WEE1: variants seen among roughly 807,000 people sequenced by gnomAD.
The protein encoded by WEE1 is WEE1 G2 checkpoint kinase.
A neutral mutation model predicts 68.8 loss-of-function variants in WEE1; 16 were observed. That is an observed-to-expected ratio of 0.23 (90% confidence interval 0.16 to 0.35). The LOEUF (loss-of-function observed/expected upper bound fraction) is 0.35, where lower values mean the gene tolerates loss of function less well. WEE1 is among the 10% of genes least tolerant of loss of function. The pLI, the probability that WEE1 is intolerant of heterozygous loss-of-function variation, is 1.00. For synonymous variants in WEE1, 349 were observed against 318.7 expected (o/e 1.09, Z -1.01); for missense variants, 651 against 824.1 (o/e 0.79, Z 2.57).
chr11:9,576,714 A>T lies in WEE1; in HGVS notation c.1019+55A>T. 2 of 1,546,334 alleles carry T rather than the reference A, an allele frequency of 1.3e-6. No homozygotes were observed. Among genetic ancestry groups the T allele is most frequent in the Admixed American group, 4.2e-5 (2 of 47,828 alleles). Reference sequence around the variant, plus strand: ...TTTTGTCCCCTATGGTGTTACTAACATTAAGGTTTCAGCTGGTCAAACACT... The same window carrying T: ...TTTTGTCCCCTATGGTGTTACTAACTTTAAGGTTTCAGCTGGTCAAACACT... On this transcript the variant is annotated intron_variant, in intron 4 of 10. Transcript: ENST00000450114. The surrounding 1 kb of genome is among the most constrained non-coding windows in gnomAD (Gnocchi z 4.3).
intron 5 of WEE1, chr11:9,577,627 T>A (rs145803615): frequency 6.9e-4 from 224 of 322,888 alleles, no homozygotes; most frequent in Non-Finnish European, 9.9e-4. Flanking sequence ...GGTCTTTGAT[T>A]TCCATTTCAT....
intron 5 of WEE1, chr11:9,577,979 T>C (rs1305341793): frequency 2.2e-6 from 1 of 446,778 alleles, no homozygotes. Flanking sequence ...CTGGTTCTTA[T>C]GGACGTCTGT....
rs1330586489 is a variant in WEE1 at position 9,585,649 on chromosome 11, C to A, written c.1470+122C>A. The A allele has an allele frequency of 4.8e-6, 4 of 839,556 alleles. No individual in the cohort carries two copies. The African/African-American group carries it at 7.1e-5, about 15-fold the overall frequency. 52.0% of individuals were successfully genotyped at this position (839,556 alleles called of 1,614,324 possible). A position where few individuals can be genotyped will look rare whatever the true frequency, so the allele number is the denominator to read the frequency against. On this transcript the variant is annotated intron_variant, in intron 8 of 10. Transcript: ENST00000450114. ...AATAGAATGGAAATAAAATCTAAACCGTCATCTGAGGGCATTTAATAAGCA... is the reference window on the plus strand; with the variant it reads ...AATAGAATGGAAATAAAATCTAAACAGTCATCTGAGGGCATTTAATAAGCA...
chr11:9,575,563 G>A (rs910238235), intron 1 of WEE1: 2 of 342,618 alleles, frequency 5.8e-6, no homozygotes, highest in Non-Finnish European at 9.8e-6. Flanking sequence ...TGGGGCTCTC[G>A]GACTGCTTTC....
intron 1 of WEE1, chr11:9,575,088 A>C (rs749411285): frequency 1.2e-5 from 12 of 985,468 alleles, no homozygotes; most frequent in Non-Finnish European, 1.4e-5. Context: ...GACTCATCCT[A>C]AGTCCAGGCA....
Position 9,576,739 on chromosome 11 carries a change from T to TC in WEE1, c.1019+80_1019+81insC. 7.1e-7 allele frequency: 1 copy of TC among 1,408,620 alleles called. No individual in the cohort carries two copies. The highest frequency in any genetic ancestry group is 2.3e-5 in the East Asian group (1 of 43,080). The allele number at this position is 1,408,620 out of a possible 1,614,324, so 87.3% of individuals were successfully genotyped here. ...ATTAAGGTTTCAGCTGGTCAAACAC[T>TC]GAATTCCATCTCTAACTTTTGAGAA... is the stretch of plus-strand genomic sequence containing the variant. On this transcript the variant is annotated intron_variant, in intron 4 of 10. Transcript: ENST00000450114. The surrounding 1 kb of genome is among the most constrained non-coding windows in gnomAD (Gnocchi z 4.3).
At position 9,573,834 on chromosome 11, in the gene WEE1, C is replaced by T. The variant is rs770858948; in HGVS notation, c.-100C>T. 9.6e-6 allele frequency: 10 copies of T among 1,041,086 alleles called. No individual in the cohort carries two copies. Among genetic ancestry groups the T allele is most frequent in the Middle Eastern group, 7.5e-4 (2 of 2,650 alleles). 64.5% of individuals were successfully genotyped at this position (1,041,086 alleles called of 1,614,324 possible). A position where few individuals can be genotyped will look rare whatever the true frequency, so the allele number is the denominator to read the frequency against. On this transcript the variant is annotated 5_prime_UTR_variant, in exon 1 of 11. Coordinates refer to ENST00000450114, the MANE Select transcript of WEE1 (RefSeq NM_003390.4). ...CAGAGACGCCGCGGCTGCGACTAGG[C>T]GCGCCCAGCCGCACGTGGCGGACCC...
chr11:9,587,454 C>T (rs1214110227), intron 10 of WEE1, among the ~76,000 whole-genome samples: 1 of 152,188 alleles, frequency 6.6e-6, no homozygotes, highest in African/African-American at 2.4e-5. Context: ...GAGCCTATAC[C>T]AATCTTTTCT....
chr11:9,577,477 T>A (rs1185398476), intron 5 of WEE1: 2 of 517,060 alleles, frequency 3.9e-6, no homozygotes, highest in Non-Finnish European at 6.8e-6. Context: ...GCATACTATT[T>A]ATGTGCTTGT....
At chr11:9,578,037 T>C (rs1849583168) in intron 5 of WEE1, 1 of 375,644 alleles carries the variant, frequency 2.7e-6, no homozygotes, top group South Asian at 2.1e-5. Context: ...AACACTTTTG[T>C]AGTTTATAAG....
intron 1 of WEE1, 50 bp from the exon 2 acceptor site, chr11:9,575,838 A>G (rs1401582040): frequency 6.4e-7 from 1 of 1,551,520 alleles, no homozygotes; most frequent in Admixed American, 1.7e-5. Flanking sequence ...GAGAAGGCTG[A>G]CTATAGGACT....
chr11:9,573,842 G>A lies in WEE1; in HGVS notation c.-92G>A, dbSNP rs1351895409. 9.1e-7 allele frequency: 1 copy of A among 1,104,284 alleles called. No individual in the cohort carries two copies. The highest frequency in any genetic ancestry group is 1.1e-6 in the Non-Finnish European group (1 of 885,308). The allele number at this position is 1,104,284 out of a possible 1,614,324, so 68.4% of individuals were successfully genotyped here. On this transcript the variant is annotated 5_prime_UTR_variant, in exon 1 of 11. Coordinates refer to ENST00000450114, the MANE Select transcript of WEE1 (RefSeq NM_003390.4). ...CCGCGGCTGCGACTAGGCGCGCCCA[G>A]CCGCACGTGGCGGACCCGCCCCCAG...
At chr11:9,583,792 CACACACACACATATATAT>C (rs1849664266) in intron 6 of WEE1, among the ~76,000 whole-genome samples, 8 of 31,020 alleles carry the variant, frequency 2.6e-4, no homozygotes, top group African/African-American at 8.9e-4. Flanking sequence ...CACACACACA[CACACACACACATATATAT>C]ATATATATAT....
rs1371779639 is a variant in WEE1 at position 9,576,986 on chromosome 11, C to G, written c.1020-156C>G. ...TAATGGAATCTGCCTTTGGAAAAAT[C>G]TCTTACAAGTCTAAACCCCTTCTCT... is the stretch of plus-strand genomic sequence containing the variant. On this transcript the variant is annotated intron_variant, in intron 4 of 10. Coordinates refer to ENST00000450114, the MANE Select transcript of WEE1 (RefSeq NM_003390.4). This position sits in a 1 kb window ranked among gnomAD's most constrained non-coding sequence, Gnocchi z 4.3. 6.6e-6 allele frequency among the ~76,000 whole-genome samples: 1 copy of G among 152,212 alleles called. No homozygotes were observed. The highest frequency in any genetic ancestry group is 1.5e-5 in the Non-Finnish European group (1 of 68,028).
Position 9,589,017 on chromosome 11 carries a change from C to T in WEE1, c.*415C>T. 1 of 985,422 alleles carries T rather than the reference C, an allele frequency of 1.0e-6. No individual in the cohort carries two copies. Among genetic ancestry groups the T allele is most frequent in the Non-Finnish European group, 1.2e-6 (1 of 829,832 alleles). The allele number at this position is 985,422 out of a possible 1,614,324, so 61.0% of individuals were successfully genotyped here. On this transcript the variant is annotated 3_prime_UTR_variant, in exon 11 of 11. Coordinates refer to ENST00000450114, the MANE Select transcript of WEE1 (RefSeq NM_003390.4). ...CATTACTACTCAGCCTTCAATGTAC[C>T]TGTGTGTCCATCTTATATTTCTTTT...
At chr11:9,587,029 T>G (rs180730444) in intron 10 of WEE1, among the ~76,000 whole-genome samples, 173 bp downstream of exon 10, 106 of 152,346 alleles carry the variant, frequency 7.0e-4, no homozygotes, top group African/African-American at 2.5e-3. Context: ...GGTGCTATCA[T>G]GACTCATTGC....
At position 9,589,333 on chromosome 11, in the gene WEE1, C is replaced by G; in HGVS notation, c.*731C>G. On this transcript the variant is annotated 3_prime_UTR_variant, in exon 11 of 11. Transcript: ENST00000450114. ...TGCATTGGAAAAATGCACCCTTTCCCTCCTTTGGAATGCTGTATTAATGTA... is the reference window on the plus strand; with the variant it reads ...TGCATTGGAAAAATGCACCCTTTCCGTCCTTTGGAATGCTGTATTAATGTA... The G allele has an allele frequency of 1.0e-6, 1 of 984,874 alleles. No individual in the cohort carries two copies. Among genetic ancestry groups the G allele is most frequent in the Non-Finnish European group, 1.2e-6 (1 of 829,818 alleles). The allele number at this position is 984,874 out of a possible 1,614,324, so 61.0% of individuals were successfully genotyped here.
chr11:9,573,791 C>G lies in WEE1; in HGVS notation c.-143C>G. 1 of 630,146 alleles carries G rather than the reference C, an allele frequency of 1.6e-6. No homozygotes were observed. The highest frequency in any genetic ancestry group is 2.1e-6 in the Non-Finnish European group (1 of 473,012). The allele number at this position is 630,146 out of a possible 1,614,324, so 39.0% of individuals were successfully genotyped here. ...CGTCCGCAGCCCGAGCGCCCCGGAG[C>G]CGCAGGCCGCCGCCGCGCAGAGACG... On this transcript the variant is annotated 5_prime_UTR_variant, in exon 1 of 11. Coordinates refer to ENST00000450114, the MANE Select transcript of WEE1 (RefSeq NM_003390.4).
rs1490779324 is a variant in WEE1 at position 9,574,357 on chromosome 11, C to T, written c.424C>T (p.Arg142Cys). The T allele has an allele frequency of 2.4e-6, 3 of 1,245,050 alleles. No individual in the cohort carries two copies. The highest frequency in any genetic ancestry group is 3.3e-5 in the South Asian group (1 of 29,868). The allele number at this position is 1,245,050 out of a possible 1,614,324, so 77.1% of individuals were successfully genotyped here. The change falls in exon 1 of 11, where the codon CGC becomes TGC. Residue 142 changes from arginine to cysteine, a missense_variant. Coordinates refer to ENST00000450114, the MANE Select transcript of WEE1 (RefSeq NM_003390.4). This position sits in a 1 kb window ranked among gnomAD's most constrained non-coding sequence, Gnocchi z 4.9. ...CCTGGGTAGCTCTTTCTCGCCGGTG[C>T]GCTGCGGCGGCCCAGGAGATGCGTC... ...YFLGSSFSPV[R>C]CGGPGDASPR...
Sources: allele counts gnomAD v4.1 joint callset (sites outside exome capture counted in the v4.1 genomes callset), GRCh38; gene constraint gnomAD v4.1.1; non-coding constraint Gnocchi (gnomAD v3.1); transcripts MANE v1.5; gene names NCBI Gene and HGNC (gene_info 2026-07-23, HGNC 2026-07-21).